Variants in USP15 observed in about 807,000 individuals in gnomAD.
USP15 encodes the protein ubiquitin specific peptidase 15.
Under a neutral mutation model 127.1 loss-of-function variants are expected in USP15, and 18 were observed. The ratio of observed to expected loss-of-function variants is 0.14; its 90% CI spans 0.10 to 0.21. The LOEUF is 0.21. Ranked by LOEUF, USP15 falls within the 10% of genes least tolerant of loss-of-function variation. The probability of loss-of-function intolerance (pLI) is 1.00; values close to 1 mark genes in which losing one functional copy is unlikely to be tolerated. For synonymous variants in USP15, 364 were observed against 393.7 expected, an observed-to-expected ratio of 0.92 and a Z score of 0.89; for missense variants, 805 against 1,159.9, an observed-to-expected ratio of 0.69 and a Z score of 4.44.
intron 6 of USP15, among the ~76,000 whole-genome samples, chr12:62,346,275 A>T (rs2065815137): frequency 6.6e-6 from 1 of 152,286 alleles, no homozygotes; most frequent in Non-Finnish European, 1.5e-5. Context: ...TATTTTTTTC[A>T]ATGTGGATAT....
At chr12:62,335,291 C>T in intron 6 of USP15, 1 of 1,493,958 alleles carries the variant, frequency 6.7e-7, no homozygotes, top group East Asian at 2.5e-5. Flanking sequence ...CTGATATTAA[C>T]TCCACAAATG....
At chr12:62,350,812 G>C (rs1245453351) in intron 7 of USP15, among the ~76,000 whole-genome samples, 1 of 152,064 alleles carries the variant, frequency 6.6e-6, no homozygotes, top group Non-Finnish European at 1.5e-5. Context: ...TATTTTCATA[G>C]AGACAGTCCC....
At chr12:62,325,751 A>C in intron 5 of USP15, 121 bp from the exon 6 acceptor site, 2 of 755,992 alleles carry the variant, frequency 2.6e-6, no homozygotes, top group Non-Finnish European at 4.1e-6. Context: ...CACCTTGTCT[A>C]CTGTTTTCCT....
chr12:62,275,981 AG>A (rs2063480069), intron 1 of USP15, among the ~76,000 whole-genome samples: 1 of 152,110 alleles, frequency 6.6e-6, no homozygotes, highest in East Asian at 1.9e-4. Context: ...AGGACTTGAG[AG>A]ATTGAAAACC....
At chr12:62,287,699 C>T (rs914456025) in intron 1 of USP15, among the ~76,000 whole-genome samples, 4 of 152,068 alleles carry the variant, frequency 2.6e-5, no homozygotes, top group African/African-American at 9.6e-5. Flanking sequence ...ATAAAAGTTT[C>T]AAGATCTTGA....
chr12:62,295,856 GTA>G (rs1477283755), intron 2 of USP15, among the ~76,000 whole-genome samples: 1 of 152,184 alleles, frequency 6.6e-6, no homozygotes, highest in Non-Finnish European at 1.5e-5. Context: ...CCTCACTCTT[GTA>G]TAATACTCTC....
At position 62,413,176 on chromosome 12, in the gene USP15, G is replaced by T. The variant is rs372182509; in HGVS notation, c.*8801G>T. Reference sequence around the variant, plus strand: ...ATCTTTTTCTGAGCAATAGATCTCCGCAGTGGGCTTAAAATATTTAGTAAA... The same window carrying T: ...ATCTTTTTCTGAGCAATAGATCTCCTCAGTGGGCTTAAAATATTTAGTAAA... On this transcript the variant is annotated 3_prime_UTR_variant, in exon 22 of 22. Coordinates refer to ENST00000280377, the MANE Select transcript of USP15 (RefSeq NM_001252078.2). The T allele has an allele frequency of 7.2e-5, 11 of 152,168 alleles. No individual in the cohort carries two copies. Among genetic ancestry groups the T allele is most frequent in the African/African-American group, 2.2e-4 (9 of 41,438 alleles). The allele number at this position is 152,168 out of a possible 1,614,324, so 9.4% of individuals were successfully genotyped here.
At chr12:62,391,057 T>C in intron 15 of USP15, 78 bp downstream of exon 15, 1 of 1,514,694 alleles carries the variant, frequency 6.6e-7, no homozygotes, top group South Asian at 1.3e-5. Flanking sequence ...AAATGGGAAT[T>C]AAAGAACTAA....
Position 62,408,506 on chromosome 12 carries a change from A to G in USP15, c.*4131A>G, listed in dbSNP as rs1272257107. On this transcript the variant is annotated 3_prime_UTR_variant, in exon 22 of 22. Coordinates refer to ENST00000280377, the MANE Select transcript of USP15 (RefSeq NM_001252078.2). ...AGGAAGAGCTCCTTTCTAGGGCCAT[A>G]GAATAAGAGTAGAAGTTTTTGCTCA... 1 of 152,132 alleles carries G rather than the reference A, an allele frequency of 6.6e-6. No homozygotes were observed. The highest frequency in any genetic ancestry group is 2.4e-5 in the African/African-American group (1 of 41,444). The allele number at this position is 152,132 out of a possible 1,614,324, so 9.4% of individuals were successfully genotyped here.
intron 2 of USP15, among the ~76,000 whole-genome samples, chr12:62,300,409 G>A (rs1011856580): frequency 1.3e-5 from 2 of 152,102 alleles, no homozygotes; most frequent in African/African-American, 2.4e-5. Flanking sequence ...AAAAGGATAA[G>A]CTGATCCAAA....
chr12:62,396,380 G>C lies in USP15; in HGVS notation c.2656G>C (p.Gly886Arg). The change falls in exon 20 of 22, where the codon GGG becomes CGG. Residue 886 changes from glycine (G) to arginine (R), a missense_variant. By Grantham distance (125) the Gly-to-Arg change is moderately radical. Transcript: ENST00000280377. ...NLIAVSNHYG[G>R]MGGGHYTAFA... ...GATTGCTGTTTCCAACCACTATGGAGGGATGGGAGGAGGACACTGTAAGTT... is the reference window on the plus strand; with the variant it reads ...GATTGCTGTTTCCAACCACTATGGACGGATGGGAGGAGGACACTGTAAGTT... The C allele has an allele frequency of 6.2e-7, 1 of 1,613,406 alleles. No individual in the cohort carries two copies. The highest frequency in any genetic ancestry group is 8.5e-7 in the Non-Finnish European group (1 of 1,179,660).
chr12:62,342,693 A>G (rs1166795145), intron 6 of USP15, among the ~76,000 whole-genome samples: 1 of 151,796 alleles, frequency 6.6e-6, no homozygotes, highest in Non-Finnish European at 1.5e-5. Flanking sequence ...CTGGAGGTCT[A>G]CTCCAGACCC....
intron 11 of USP15, among the ~76,000 whole-genome samples, chr12:62,386,559 T>C (rs890997467): frequency 2.0e-5 from 3 of 151,852 alleles, no homozygotes; most frequent in African/African-American, 7.3e-5. Context: ...TATAAGCAGG[T>C]GAAAACTAGA....
intron 20 of USP15, among the ~76,000 whole-genome samples, chr12:62,400,678 A>T (rs1167911355): frequency 2.0e-5 from 3 of 152,030 alleles, no homozygotes; most frequent in Non-Finnish European, 4.4e-5. Context: ...GTCATAGAAA[A>T]TTTAATAATA....
At chr12:62,284,541 T>A (rs2137108501) in intron 1 of USP15, among the ~76,000 whole-genome samples, 1 of 152,340 alleles carries the variant, frequency 6.6e-6, no homozygotes, top group Admixed American at 6.5e-5. Flanking sequence ...TTTTCGGACG[T>A]AACTGTGGGT....
At chr12:62,312,294 C>T in intron 3 of USP15, 1 of 342,906 alleles carries the variant, frequency 2.9e-6, no homozygotes, top group Non-Finnish European at 6.1e-6. Context: ...AGGGAGGGAG[C>T]ATACTTGGAA....
intron 3 of USP15, among the ~76,000 whole-genome samples, chr12:62,308,877 T>C (rs1480198072): frequency 2.6e-5 from 4 of 152,078 alleles, no homozygotes; most frequent in Non-Finnish European, 5.9e-5. Context: ...TGGAAAAATA[T>C]ACTTTTAAGT....
At chr12:62,365,013 A>T (rs987327409) in intron 8 of USP15, among the ~76,000 whole-genome samples, 5 of 152,168 alleles carry the variant, frequency 3.3e-5, no homozygotes, top group Non-Finnish European at 1.5e-5. Context: ...TGCCGCAGTA[A>T]GTGTATGTGT....
At chr12:62,282,217 A>G (rs966803541) in intron 1 of USP15, among the ~76,000 whole-genome samples, 1 of 152,042 alleles carries the variant, frequency 6.6e-6, no homozygotes, top group East Asian at 1.9e-4. Flanking sequence ...AGTCCCAGCT[A>G]CTCAGGAGAC....
Sources: allele counts gnomAD v4.1 joint callset (sites outside exome capture counted in the v4.1 genomes callset), GRCh38; gene constraint gnomAD v4.1.1; transcripts MANE v1.5; gene names NCBI Gene and HGNC (gene_info 2026-07-23, HGNC 2026-07-21).